TBC1D19: variants seen among roughly 807,000 people sequenced by gnomAD.
TBC1D19 encodes the protein TBC1 domain family, member 19.
In TBC1D19, 60 loss-of-function variants were observed where a neutral mutation model predicts 89.0. The observed-to-expected ratio is 0.67, with a 90% confidence interval of 0.55 to 0.84. The LOEUF is 0.84. Ranked by LOEUF, TBC1D19 falls within the 40% of genes least tolerant of loss-of-function variation. TBC1D19 has a pLI of 0.00. For synonymous variants in TBC1D19, 189 were observed against 199.7 expected (o/e 0.95, Z 0.45); for missense variants, 500 against 610.8 (o/e 0.82, Z 1.91).
chr4:26,784,577 C>T, the TBC1D19 span, among the ~76,000 whole-genome samples: 1 of 152,132 alleles, frequency 6.6e-6, no homozygotes, highest in Non-Finnish European at 1.5e-5. Flanking sequence ...CACCCAATTG[C>T]CCATCAGAAA....
At chr4:26,656,653 G>C (rs369187557) in intron 7 of TBC1D19, among the ~76,000 whole-genome samples, 1 of 151,734 alleles carries the variant, frequency 6.6e-6, no homozygotes, top group South Asian at 2.1e-4. Context: ...CCCCCTCCCG[G>C]GTTAAAGCAA....
chr4:26,688,916 A>G (rs908236109), intron 13 of TBC1D19, among the ~76,000 whole-genome samples: 6 of 152,084 alleles, frequency 3.9e-5, no homozygotes, highest in African/African-American at 9.6e-5. Flanking sequence ...TGTAATTTAT[A>G]TAGAATTGCT....
intron 7 of TBC1D19, among the ~76,000 whole-genome samples, chr4:26,651,285 G>A (rs575577975): frequency 6.6e-6 from 1 of 152,150 alleles, no homozygotes; most frequent in South Asian, 2.1e-4. Flanking sequence ...GGATGGCATT[G>A]AATCTATAAA....
chr4:26,833,150 C>G, the TBC1D19 span, among the ~76,000 whole-genome samples: 1 of 152,076 alleles, frequency 6.6e-6, no homozygotes, highest in African/African-American at 2.4e-5. Flanking sequence ...CACAGACAAG[C>G]GAAGAAAGAC....
intron 1 of TBC1D19, among the ~76,000 whole-genome samples, chr4:26,608,210 GAC>G (rs1400559601): frequency 6.6e-6 from 1 of 152,126 alleles, no homozygotes; most frequent in East Asian, 1.9e-4. Context: ...GTGCTGAGAT[GAC>G]CAGGAAATCT....
chr4:26,767,931 A>G, the TBC1D19 span, among the ~76,000 whole-genome samples: 149,908 of 152,258 alleles, frequency 0.98, 73,839 homozygotes, highest in East Asian at 1. Flanking sequence ...TGCAACATAA[A>G]AAGGAGGAAC....
chr4:26,748,336 G>T (rs1718763798), intron 18 of TBC1D19, 75 bp from the exon 19 acceptor site: 2 of 987,154 alleles, frequency 2.0e-6, no homozygotes, highest in Admixed American at 1.9e-5. Flanking sequence ...AGAATTGGTT[G>T]GGTTCTTCTG....
intron 11 of TBC1D19, 24 bp downstream of exon 11, chr4:26,673,912 C>A (rs763261700): frequency 2.2e-6 from 3 of 1,393,900 alleles, no homozygotes; most frequent in African/African-American, 2.9e-5. Context: ...AAGGGTGGGT[C>A]AGATTTTAGC....
chr4:26,604,719 C>G (rs1364867716), intron 1 of TBC1D19, among the ~76,000 whole-genome samples: 2 of 150,704 alleles, frequency 1.3e-5, no homozygotes, highest in East Asian at 2.0e-4. Context: ...ACTAAAAATA[C>G]ATTAAAAAAA....
chr4:26,582,950 G>A (rs1739152621), upstream of TBC1D19, among the ~76,000 whole-genome samples: 1 of 152,082 alleles, frequency 6.6e-6, no homozygotes, highest in South Asian at 2.1e-4. Flanking sequence ...TGGACCATCG[G>A]CATCATAATT....
At chr4:26,702,395 G>A (rs993305098) in intron 13 of TBC1D19, 1 of 152,280 alleles carries the variant, frequency 6.6e-6, no homozygotes, top group Admixed American at 6.6e-5. Context: ...AAAAAATACT[G>A]ATTCTTATAC....
the TBC1D19 span, among the ~76,000 whole-genome samples, chr4:26,817,291 C>T: frequency 4.6e-5 from 7 of 152,164 alleles, no homozygotes; most frequent in African/African-American, 1.7e-4. Context: ...TCCCGCACCC[C>T]GCCGGCAGCT....
At chr4:26,740,760 C>T (rs1718318113) in intron 17 of TBC1D19, 1 of 985,142 alleles carries the variant, frequency 1.0e-6, no homozygotes, top group Admixed American at 6.2e-5. Flanking sequence ...GAATATATGT[C>T]AGGGCTACTA....
chr4:26,673,474 C>CACACAA lies in TBC1D19; in HGVS notation c.704-301_704-300insCACAAA, dbSNP rs371830256. On this transcript the variant is annotated intron_variant, in intron 10 of 20. Transcript: ENST00000264866. ...ACACACACACACACACACACACACA[C>CACACAA]AATACTAGTTTCAGATCCATGGAGC... is the stretch of plus-strand genomic sequence containing the variant. Among the ~76,000 whole-genome samples, 5 of 147,814 alleles carry CACACAA rather than the reference C, an allele frequency of 3.4e-5. No individual in the cohort carries two copies. In the South Asian group the frequency reaches 1.1e-3, roughly 32 times the overall value.
the TBC1D19 span, among the ~76,000 whole-genome samples, chr4:26,792,498 C>T: frequency 0.042 from 6,443 of 152,222 alleles, 222 homozygotes; most frequent in Non-Finnish European, 0.059. Flanking sequence ...TCTGATGAAA[C>T]AGGCCCAGCT....
chr4:26,843,253 T>A, the TBC1D19 span, among the ~76,000 whole-genome samples: 673 of 152,332 alleles, frequency 4.4e-3, 8 homozygotes, highest in African/African-American at 0.016. Context: ...TTCATGCTTG[T>A]TTGGTTAAGG....
At chr4:26,651,234 A>C (rs1577874597) in intron 7 of TBC1D19, among the ~76,000 whole-genome samples, 1 of 151,966 alleles carries the variant, frequency 6.6e-6, no homozygotes, top group Admixed American at 6.6e-5. Flanking sequence ...TTATGGTAGT[A>C]TTTTCCAATT....
rs1745083825 is a variant in TBC1D19, at chr4:26,659,520, A to G, written c.481-77A>G. 8.0e-6 allele frequency: 7 copies of G among 877,024 alleles called. No homozygotes were observed. In the Admixed American group the frequency reaches 1.5e-4, roughly 19 times the overall value. 54.3% of individuals were successfully genotyped at this position (877,024 alleles called of 1,614,324 possible). ...TAATTAATTTTGTGGTGATACACTAAGAATATCCCTGCTAATTTTATAAGT... is the reference window on the plus strand; with the variant it reads ...TAATTAATTTTGTGGTGATACACTAGGAATATCCCTGCTAATTTTATAAGT... On this transcript the variant is annotated intron_variant, in intron 7 of 20. Transcript: ENST00000264866.
intron 11 of TBC1D19, among the ~76,000 whole-genome samples, chr4:26,677,030 G>A (rs1035136856): frequency 6.6e-6 from 1 of 152,020 alleles, no homozygotes; most frequent in Non-Finnish European, 1.5e-5. Context: ...CTAAGCACTC[G>A]TGTATCTCAC....
Sources: allele counts gnomAD v4.1 joint callset (sites outside exome capture counted in the v4.1 genomes callset), GRCh38; gene constraint gnomAD v4.1.1; transcripts MANE v1.5; gene names NCBI Gene and HGNC (gene_info 2026-07-23, HGNC 2026-07-21).